ADAM32: variants seen among roughly 807,000 people sequenced by gnomAD.
ADAM32 encodes the protein ADAM metallopeptidase domain 32.
A neutral mutation model predicts 114.9 loss-of-function variants in ADAM32; 89 were observed. That is an observed-to-expected ratio of 0.77 (90% CI 0.65 to 0.92). ADAM32 has a LOEUF of 0.92. Among genes scored for constraint, ADAM32 ranks in the 40% least tolerant of loss-of-function variants. ADAM32 has a pLI of 0.00. For synonymous variants in ADAM32, 285 were observed against 307.5 expected (o/e 0.93, Z 0.77); for missense variants, 870 against 932.8 (o/e 0.93, Z 0.88).
At chr8:39,174,992 T>C (rs1805433028) in intron 10 of ADAM32, among the ~76,000 whole-genome samples, 1 of 152,062 alleles carries the variant, frequency 6.6e-6, no homozygotes, top group Non-Finnish European at 1.5e-5. Context: ...TGCTTTTCTG[T>C]TGTTGGTGTA....
chr8:39,224,237 TGGG>T (rs1684931611), intron 14 of ADAM32: 1 of 152,120 alleles, frequency 6.6e-6, no homozygotes, highest in African/African-American at 2.4e-5. Flanking sequence ...GCAATAAACA[TGGG>T]GGTGCACATA....
chr8:39,120,756 C>T (rs1159622992), intron 2 of ADAM32, among the ~76,000 whole-genome samples: 10 of 109,506 alleles, frequency 9.1e-5, no homozygotes, highest in South Asian at 3.1e-4. Context: ...AGCAAGACTC[C>T]GTCTCAAAAA....
At chr8:39,163,048 T>A (rs931529002) in intron 7 of ADAM32, among the ~76,000 whole-genome samples, 8 of 152,186 alleles carry the variant, frequency 5.3e-5, no homozygotes, top group African/African-American at 9.6e-5. Flanking sequence ...TCATATTTTC[T>A]TCAGTGACTT....
At chr8:39,274,641 A>G (rs1355324964) in intron 21 of ADAM32, among the ~76,000 whole-genome samples, 1 of 152,228 alleles carries the variant, frequency 6.6e-6, no homozygotes, top group African/African-American at 2.4e-5. Flanking sequence ...AGGGCCTAGA[A>G]GTTACCCAGC....
Position 39,241,260 on chromosome 8 carries a change from C to T in ADAM32, c.1819-4823C>T, listed in dbSNP as rs563074079. Among the ~76,000 whole-genome samples, 22 of 152,330 alleles carry T rather than the reference C, an allele frequency of 1.4e-4. 1 individual carries two copies. The South Asian group carries it at 3.9e-3, about 27-fold the overall frequency. On this transcript the variant is annotated intron_variant, in intron 16 of 24. Coordinates refer to ENST00000379907, the MANE Select transcript of ADAM32 (RefSeq NM_145004.7). The stretch of plus-strand genomic sequence containing the variant: ...GGGTATAGCCTCCTGGCTGCTTTCA[C>T]AGGCTGGCACTGAATGTCTGCAGCT...
rs1385275323 is a variant in ADAM32 at position 39,165,211 on chromosome 8, T to A, written c.833+15T>A. 1 of 1,443,972 alleles carries A rather than the reference T, an allele frequency of 6.9e-7. No individual in the cohort carries two copies. The highest frequency in any genetic ancestry group is 9.3e-7 in the Non-Finnish European group (1 of 1,073,848). 89.4% of individuals were successfully genotyped at this position (1,443,972 alleles called of 1,614,324 possible). A position where few individuals can be genotyped will look rare whatever the true frequency, so the allele number is the denominator to read the frequency against. The stretch of plus-strand genomic sequence containing the variant: ...TATCTACTAATGTAAGAATAATGTT[T>A]CATTATTCCTAGAAAGAAAACAAAG... On this transcript the variant is annotated intron_variant, in intron 9 of 24. Transcript: ENST00000379907.
At chr8:39,206,284 G>T (rs1323618438) in intron 11 of ADAM32, among the ~76,000 whole-genome samples, 1 of 152,176 alleles carries the variant, frequency 6.6e-6, no homozygotes, top group Non-Finnish European at 1.5e-5. Context: ...TAGTAGGCAG[G>T]GCTTGCTGGA....
At chr8:39,165,844 A>G (rs992239491) in intron 9 of ADAM32, 1 of 151,874 alleles carries the variant, frequency 6.6e-6, no homozygotes, top group African/African-American at 2.4e-5. Context: ...CTGCTCTTTT[A>G]ATTTTTGGTA....
intron 19 of ADAM32, among the ~76,000 whole-genome samples, chr8:39,264,367 G>A (rs1812226179): frequency 6.6e-6 from 1 of 152,114 alleles, no homozygotes; most frequent in African/African-American, 2.4e-5. Flanking sequence ...AATAGTTTCT[G>A]AAGATTTTTA....
At chr8:39,164,870 T>C (rs1242477519) in intron 8 of ADAM32, 35 bp downstream of exon 8, 1 of 1,568,278 alleles carries the variant, frequency 6.4e-7, no homozygotes, top group Non-Finnish European at 8.7e-7. Context: ...AAATAATTGT[T>C]GTTTTGAAAT....
chr8:39,169,765 A>C (rs541413780), intron 9 of ADAM32, 151 bp from the exon 10 acceptor site: 10 of 520,536 alleles, frequency 1.9e-5, no homozygotes, highest in African/African-American at 1.7e-4. Context: ...TAATATTCCA[A>C]ATTTGAAACA....
intron 16 of ADAM32, among the ~76,000 whole-genome samples, chr8:39,238,903 C>T (rs964776191): frequency 1.3e-5 from 2 of 151,824 alleles, no homozygotes; most frequent in Admixed American, 1.3e-4. Context: ...TGAACAAAGC[C>T]TCCATGAAGT....
chr8:39,241,844 G>T (rs943550237), intron 16 of ADAM32, among the ~76,000 whole-genome samples: 1 of 152,236 alleles, frequency 6.6e-6, no homozygotes, highest in Non-Finnish European at 1.5e-5. Flanking sequence ...CATTACTCAT[G>T]TAAGTTTCTG....
intron 2 of ADAM32, among the ~76,000 whole-genome samples, chr8:39,123,639 A>C (rs776194846): frequency 6.6e-6 from 1 of 151,570 alleles, no homozygotes; most frequent in Non-Finnish European, 1.5e-5. Context: ...ATCTATGAAC[A>C]TGTATGATAC....
At chr8:39,223,589 A>G (rs1260002336) in intron 14 of ADAM32, 1 of 153,688 alleles carries the variant, frequency 6.5e-6, no homozygotes. Flanking sequence ...AATATTTGCC[A>G]CAGTTAAGTT....
chr8:39,121,344 A>C lies in ADAM32; in HGVS notation c.138+3179A>C, dbSNP rs544883997. On this transcript the variant is annotated intron_variant, in intron 2 of 24. Coordinates refer to ENST00000379907, the MANE Select transcript of ADAM32 (RefSeq NM_145004.7). ...ACGATAGAGTTGTCTGGCTTCAAAC[A>C]TGCATCATTCTTCACAAACACCGCA... Among the ~76,000 whole-genome samples the C allele has an allele frequency of 9.9e-5, 15 of 152,208 alleles. No individual in the cohort carries two copies. In the South Asian group the frequency reaches 2.9e-3, roughly 29 times the overall value.
At chr8:39,149,673 A>T (rs1803702471) in intron 4 of ADAM32, 118 bp from the exon 5 acceptor site, 3 of 702,194 alleles carry the variant, frequency 4.3e-6, no homozygotes, top group Non-Finnish European at 6.9e-6. Context: ...ACTTGTACTG[A>T]TATAAATCAC....
chr8:39,128,219 T>C (rs1219402006), intron 2 of ADAM32, among the ~76,000 whole-genome samples: 1 of 152,202 alleles, frequency 6.6e-6, no homozygotes, highest in Non-Finnish European at 1.5e-5. Flanking sequence ...TGGGTGCATA[T>C]ATGTTTAGGA....
chr8:39,216,790 A>G (rs1265268463), intron 12 of ADAM32, among the ~76,000 whole-genome samples: 2 of 151,290 alleles, frequency 1.3e-5, no homozygotes, highest in South Asian at 2.1e-4. Flanking sequence ...CTATTTATAT[A>G]TATCGTACTG....
Sources: allele counts gnomAD v4.1 joint callset (sites outside exome capture counted in the v4.1 genomes callset), GRCh38; gene constraint gnomAD v4.1.1; transcripts MANE v1.5; gene names NCBI Gene and HGNC (gene_info 2026-07-23, HGNC 2026-07-21).